ACVR1C: variants seen among roughly 807,000 people sequenced by gnomAD.
ACVR1C encodes activin receptor type-1C.
A neutral mutation model predicts 57.9 loss-of-function variants in ACVR1C; 23 were observed. The ratio of observed to expected loss-of-function variants is 0.40; its 90% CI spans 0.29 to 0.56. ACVR1C has a LOEUF of 0.56. ACVR1C is among the 20% of genes least tolerant of loss of function. The probability of loss-of-function intolerance (pLI) is 0.50; values close to 1 mark genes in which losing one functional copy is unlikely to be tolerated. For missense variants in ACVR1C, 480 were observed against 607.9 expected, an observed-to-expected ratio of 0.79 and a Z score of 2.21; for synonymous variants, 214 against 215.3, an observed-to-expected ratio of 0.99 and a Z score of 0.05.
intron 1 of ACVR1C, among the ~76,000 whole-genome samples, chr2:157,587,827 C>A (rs1558988487): frequency 6.6e-6 from 1 of 152,032 alleles, no homozygotes; most frequent in Non-Finnish European, 1.5e-5. Context: ...AGCTGTGTAA[C>A]CAAACAATTC....
intron 1 of ACVR1C, among the ~76,000 whole-genome samples, chr2:157,620,952 C>G (rs149060581): frequency 6.6e-6 from 1 of 151,994 alleles, no homozygotes; most frequent in African/African-American, 2.4e-5. Flanking sequence ...GAGATAACAA[C>G]GACAAAATAG....
intron 1 of ACVR1C, among the ~76,000 whole-genome samples, chr2:157,594,914 A>G (rs1682054027): frequency 2.0e-5 from 3 of 152,246 alleles, no homozygotes; most frequent in Admixed American, 6.5e-5. Flanking sequence ...TTTTGAATAC[A>G]TATGGAAAGG....
At chr2:157,587,076 G>A (rs541797274) in intron 2 of ACVR1C, 111 bp downstream of exon 2, 321 of 1,038,690 alleles carry the variant, frequency 3.1e-4, no homozygotes, top group Non-Finnish European at 4.2e-4. Flanking sequence ...AAAGAGAACT[G>A]TAAAACAGAT....
chr2:157,611,734 G>A (rs1682540090), intron 1 of ACVR1C, among the ~76,000 whole-genome samples: 3 of 152,150 alleles, frequency 2.0e-5, no homozygotes, highest in Admixed American at 1.3e-4. Flanking sequence ...AGCTGGGGGG[G>A]CCAGCTCTTA....
chr2:157,602,360 TA>T (rs1682299496), intron 1 of ACVR1C, among the ~76,000 whole-genome samples: 1 of 152,188 alleles, frequency 6.6e-6, no homozygotes, highest in South Asian at 2.1e-4. Context: ...TGCAAAGACA[TA>T]ACTTTCATTT....
intron 8 of ACVR1C, among the ~76,000 whole-genome samples, chr2:157,535,216 C>T (rs1030788765): frequency 6.7e-6 from 1 of 150,360 alleles, no homozygotes; most frequent in South Asian, 2.1e-4. Flanking sequence ...CCTTCTAAGG[C>T]AAATTGCCTA....
intron 2 of ACVR1C, among the ~76,000 whole-genome samples, chr2:157,556,657 C>CTTTTTTTT (rs1169628343): frequency 3.0e-4 from 26 of 87,900 alleles, no homozygotes; most frequent in Non-Finnish European, 3.7e-4. Context: ...CAGCAGTACA[C>CTTTTTTTT]TTTTTTTTTT....
chr2:157,559,996 CGAAG>C (rs1234143567), intron 2 of ACVR1C, among the ~76,000 whole-genome samples: 3 of 150,814 alleles, frequency 2.0e-5, no homozygotes, highest in Admixed American at 1.3e-4. Flanking sequence ...AGGGAGGAAA[CGAAG>C]GAAGGAAGGA....
Position 157,554,247 on chromosome 2 carries a change from GAAA to G in ACVR1C, c.544+1843_544+1845del, listed in dbSNP as rs1558975004. Among the ~76,000 whole-genome samples, 54 of 121,110 alleles carry G rather than the reference GAAA, an allele frequency of 4.5e-4. 1 individual carries two copies. Among genetic ancestry groups the G allele is most frequent in the African/African-American group, 1.1e-3 (29 of 26,642 alleles). 79.5% of individuals were successfully genotyped at this position (121,110 alleles called of 152,430 possible). A position where few individuals can be genotyped will look rare whatever the true frequency, so the allele number is the denominator to read the frequency against. On this transcript the variant is annotated intron_variant, in intron 3 of 8. Coordinates refer to ENST00000243349, the MANE Select transcript of ACVR1C (RefSeq NM_145259.3). ...AGAAAGAAAGAAAGAAAGAAAGAAAGAAAGAAAGAAAGAAAGAAAGAAAGGAAG... is the reference window on the plus strand; with the variant it reads ...AGAAAGAAAGAAAGAAAGAAAGAAAGGAAAGAAAGAAAGAAAGAAAGGAAG...
chr2:157,573,009 A>C (rs184863863), intron 2 of ACVR1C, among the ~76,000 whole-genome samples: 1 of 152,200 alleles, frequency 6.6e-6, no homozygotes, highest in Non-Finnish European at 1.5e-5. Flanking sequence ...AAACCAGAAG[A>C]AAGTTAAGAA....
At chr2:157,579,118 C>T (rs893180038) in intron 2 of ACVR1C, among the ~76,000 whole-genome samples, 1 of 151,998 alleles carries the variant, frequency 6.6e-6, no homozygotes, top group Non-Finnish European at 1.5e-5. Flanking sequence ...TTTTATTTGT[C>T]CTATTGATAT....
rs1288730761 is a variant in ACVR1C at position 157,535,834 on chromosome 2, GA to G, written c.1357-1792del. On this transcript the variant is annotated intron_variant, in intron 8 of 8. Transcript: ENST00000243349. ...TGCAGGACCATGGACTAGAGTTCAG[GA>G]GAGCACGAATTCTGCCTCCAGTTTT... Among the ~76,000 whole-genome samples, 3 of 152,242 alleles carry G rather than the reference GA, an allele frequency of 2.0e-5. No homozygotes were observed. The East Asian group carries it at 5.8e-4, about 29-fold the overall frequency.
intron 3 of ACVR1C, among the ~76,000 whole-genome samples, chr2:157,550,946 CA>C (rs748799139): frequency 3.5e-4 from 53 of 150,924 alleles, no homozygotes; most frequent in African/African-American, 1.2e-3. Flanking sequence ...TTCTGCAGAA[CA>C]AAAAAAAATT....
intron 2 of ACVR1C, among the ~76,000 whole-genome samples, chr2:157,582,436 A>T (rs1173972140): frequency 6.6e-6 from 1 of 152,248 alleles, no homozygotes; most frequent in Non-Finnish European, 1.5e-5. Context: ...GCAATCCATC[A>T]TATGAACAGA....
rs781432272 is a variant in ACVR1C, at chr2:157,544,457, C to T, written c.931G>A (p.Val311Ile). 1.9e-6 allele frequency: 3 copies of T among 1,610,714 alleles called. No individual in the cohort carries two copies. In the African/African-American group the frequency reaches 4.0e-5, roughly 22 times the overall value. ...AGGAAATACATACCTTGTGTACCAA[C>T]AATCTCCATATGAAGGTGTGCCAGA... ...SGLAHLHMEIVGTQGKPAIAH... is the reference protein window; with the variant it reads ...SGLAHLHMEIIGTQGKPAIAH... The change falls in exon 5 of 9, where the codon GTT becomes ATT. Residue 311 changes from valine (V) to isoleucine (I), a missense_variant. Coordinates refer to ENST00000243349, the MANE Select transcript of ACVR1C (RefSeq NM_145259.3).
rs1396721736 is a variant in ACVR1C, at chr2:157,532,375, T to G, written c.*1543A>C. On this transcript the variant is annotated 3_prime_UTR_variant, in exon 9 of 9. Transcript: ENST00000243349. ...GTAGCATTTCTTTACTGTTATTAGT[T>G]TTTTTTTTTTTTTTTACTGTTATCA... 7.0e-6 allele frequency: 1 copy of G among 142,828 alleles called. No individual in the cohort carries two copies. Among genetic ancestry groups the G allele is most frequent in the Non-Finnish European group, 1.6e-5 (1 of 64,336 alleles). The allele number at this position is 142,828 out of a possible 1,614,324, so 8.8% of individuals were successfully genotyped here.
At chr2:157,542,991 T>A in intron 5 of ACVR1C, 129 bp from the exon 6 acceptor site, 2 of 907,258 alleles carry the variant, frequency 2.2e-6, no homozygotes, top group South Asian at 1.7e-5. Context: ...TGTCACTATC[T>A]AAATTATCTT....
At chr2:157,566,234 ATC>A (rs1573924716) in intron 2 of ACVR1C, among the ~76,000 whole-genome samples, 1 of 152,190 alleles carries the variant, frequency 6.6e-6, no homozygotes, top group Non-Finnish European at 1.5e-5. Flanking sequence ...CCATATCTCA[ATC>A]TCTCTGTTTC....
At chr2:157,564,668 C>T (rs1242359465) in intron 2 of ACVR1C, among the ~76,000 whole-genome samples, 8 of 152,134 alleles carry the variant, frequency 5.3e-5, no homozygotes, top group Admixed American at 4.6e-4. Context: ...ATGTTTAATA[C>T]AGCACTATTT....
Sources: gnomAD v4.1 joint callset for allele counts (sites outside exome capture counted in the v4.1 genomes callset) on GRCh38, gnomAD v4.1.1 for gene constraint, MANE v1.5 for transcripts, NCBI Gene and HGNC (gene_info 2026-07-23, HGNC 2026-07-21) for gene names.